Variants in DENND1A observed in about 807,000 individuals in gnomAD.
DENND1A encodes DENN domain containing 1A.
Under a neutral mutation model 113.7 loss-of-function variants are expected in DENND1A, and 51 were observed. The observed-to-expected ratio is 0.45, with a 90% confidence interval of 0.36 to 0.57. DENND1A has a LOEUF of 0.57. Ranked by LOEUF, DENND1A falls within the 20% of genes least tolerant of loss-of-function variation. DENND1A has a pLI of 0.00. For synonymous variants in DENND1A, 565 were observed against 570.8 expected (o/e 0.99, Z 0.14); for missense variants, 1,258 against 1,395.9 (o/e 0.90, Z 1.57).
intron 9 of DENND1A, among the ~76,000 whole-genome samples, chr9:123,637,953 GCACACACA>G (rs10539798): frequency 3.4e-5 from 5 of 147,784 alleles, no homozygotes; most frequent in Non-Finnish European, 4.5e-5. Flanking sequence ...ACACACACGC[GCACACACA>G]CACACACACA....
At chr9:123,918,357 G>A (rs769861845) in intron 1 of DENND1A, among the ~76,000 whole-genome samples, 32 of 151,698 alleles carry the variant, frequency 2.1e-4, no homozygotes, top group African/African-American at 7.7e-4. Context: ...GCGTGGCGGC[G>A]GGCGCCTGTA....
intron 5 of DENND1A, among the ~76,000 whole-genome samples, chr9:123,744,109 ATTGGGCT>A (rs2069260733): frequency 6.6e-6 from 1 of 152,236 alleles, no homozygotes; most frequent in Non-Finnish European, 1.5e-5. Flanking sequence ...GAATATTTGG[ATTGGGCT>A]TGATAGAACA....
rs376350165 is a variant in DENND1A at position 123,381,472 on chromosome 9, G to A, written c.3173C>T (p.Ser1058Leu). The change falls in exon 24 of 24, where the codon TCG (serine) becomes TTG (leucine). Residue 1058 changes from serine to leucine, a missense_variant. Physicochemically the swap from Ser to Leu is moderately radical, Grantham distance 145. Coordinates refer to ENST00000394215, the MANE Select transcript of DENND1A (RefSeq NM_001352964.2). This position sits in a 1 kb window ranked among gnomAD's most constrained non-coding sequence, Gnocchi z 4.7. ...PSPALAPAPD[S>L]VEQLRKQWET... The stretch of plus-strand genomic sequence containing the variant: ...CCACTGCTTCCTGAGCTGCTCCACC[G>A]AGTCTGGGGCCGGGGCCAGGGCCGG... The A allele has an allele frequency of 6.6e-5, 106 of 1,613,430 alleles. No individual in the cohort carries two copies. Among genetic ancestry groups the A allele is most frequent in the Admixed American group, 1.3e-4 (8 of 60,004 alleles).
intron 13 of DENND1A, among the ~76,000 whole-genome samples, chr9:123,556,729 G>C (rs2057437082): frequency 2.0e-5 from 3 of 152,182 alleles, no homozygotes; most frequent in Non-Finnish European, 4.4e-5. Context: ...CTGTCGGCAA[G>C]GTTTCCCTCC....
chr9:123,400,979 T>G (rs967316667), intron 21 of DENND1A: 9 of 152,178 alleles, frequency 5.9e-5, no homozygotes, highest in African/African-American at 2.2e-4. Flanking sequence ...CCAAGCACTT[T>G]GATATTCCCA....
At position 123,865,328 on chromosome 9, in the gene DENND1A, G is replaced by C. The variant is rs1845658696; in HGVS notation, c.88+13623C>G. 2.0e-5 allele frequency among the ~76,000 whole-genome samples: 3 copies of C among 152,204 alleles called. No individual in the cohort carries two copies. The South Asian group carries it at 6.2e-4, about 31-fold the overall frequency. On this transcript the variant is annotated intron_variant, in intron 2 of 23. Coordinates refer to ENST00000394215, the MANE Select transcript of DENND1A (RefSeq NM_001352964.2). Reference sequence around the variant, plus strand: ...CAATTTCCATTCAGCAAAAACAAGAGAAATTAGGTCAGCTTGTTCCAGGGT... The same window carrying C: ...CAATTTCCATTCAGCAAAAACAAGACAAATTAGGTCAGCTTGTTCCAGGGT...
At chr9:123,841,094 TA>T (rs1255929866) in intron 2 of DENND1A, among the ~76,000 whole-genome samples, 2 of 152,188 alleles carry the variant, frequency 1.3e-5, no homozygotes, top group African/African-American at 2.4e-5. Flanking sequence ...CATTTTGTGC[TA>T]AGTGAAATCT....
At chr9:123,668,553 G>T (rs1231209304) in intron 7 of DENND1A, among the ~76,000 whole-genome samples, 1 of 152,096 alleles carries the variant, frequency 6.6e-6, no homozygotes, top group Non-Finnish European at 1.5e-5. Flanking sequence ...TCAGTCAAAG[G>T]TCACACAGCT....
chr9:123,882,758 G>C (rs1376872025), intron 1 of DENND1A, among the ~76,000 whole-genome samples: 2 of 152,170 alleles, frequency 1.3e-5, no homozygotes, highest in African/African-American at 2.4e-5. Flanking sequence ...TCAAAGTCAA[G>C]TCAAAGTTGT....
chr9:123,531,552 TCTACACACACACACAC>T (rs1401884472), intron 13 of DENND1A, among the ~76,000 whole-genome samples: 9,905 of 133,848 alleles, frequency 0.074, 408 homozygotes, highest in Non-Finnish European at 0.083. Context: ...CCCCTCTCTC[TCTACACACACACACAC>T]ACACACACAC....
chr9:123,557,177 G>T (rs928894603), intron 13 of DENND1A, among the ~76,000 whole-genome samples: 2 of 152,210 alleles, frequency 1.3e-5, no homozygotes, highest in African/African-American at 4.8e-5. Context: ...GCTTTTCCGG[G>T]CTAAGTTGTT....
At chr9:123,386,135 C>A (rs989351688) in intron 22 of DENND1A, among the ~76,000 whole-genome samples, 4 of 152,212 alleles carry the variant, frequency 2.6e-5, no homozygotes, top group Middle Eastern at 3.4e-3. Flanking sequence ...GGTGCCTTTT[C>A]CCAAAAGGTG....
chr9:123,414,458 C>A, intron 19 of DENND1A: 1 of 1,496,958 alleles, frequency 6.7e-7, no homozygotes, highest in Non-Finnish European at 8.9e-7. Context: ...AGGCCGGCAT[C>A]TCACAGGGTG....
At chr9:123,401,711 C>G (rs2043478472) in intron 21 of DENND1A, 1 of 1,584,796 alleles carries the variant, frequency 6.3e-7, no homozygotes, top group Non-Finnish European at 8.6e-7. Flanking sequence ...TGACACAGTT[C>G]AGGTGATAAG....
At chr9:123,487,332 G>C (rs1355000572) in intron 13 of DENND1A, among the ~76,000 whole-genome samples, 1 of 152,192 alleles carries the variant, frequency 6.6e-6, no homozygotes, top group Non-Finnish European at 1.5e-5. Context: ...ACCAAGTCTA[G>C]GGCCCAAGTC....
chr9:123,828,507 C>CA (rs1181916293), intron 2 of DENND1A, among the ~76,000 whole-genome samples: 10 of 151,466 alleles, frequency 6.6e-5, no homozygotes, highest in East Asian at 1.9e-4. Flanking sequence ...AAATTCATAC[C>CA]AAAAAATCAG....
intron 13 of DENND1A, among the ~76,000 whole-genome samples, chr9:123,484,675 G>C (rs2050640300): frequency 1.3e-5 from 2 of 152,174 alleles, no homozygotes; most frequent in African/African-American, 4.8e-5. Flanking sequence ...GAATGCACAA[G>C]GCATTCAGTT....
At chr9:123,520,385 C>A (rs10986036) in intron 13 of DENND1A, among the ~76,000 whole-genome samples, 2 of 151,962 alleles carry the variant, frequency 1.3e-5, no homozygotes, top group South Asian at 2.1e-4. Flanking sequence ...CTGGAACCTG[C>A]GAGGTTGCAG....
chr9:123,824,267 C>G (rs1412670456), intron 2 of DENND1A, among the ~76,000 whole-genome samples: 2 of 152,174 alleles, frequency 1.3e-5, no homozygotes, highest in African/African-American at 4.8e-5. Context: ...AAAACTTAAG[C>G]TCTTACACTC....
Sources: gnomAD v4.1 joint callset for allele counts (sites outside exome capture counted in the v4.1 genomes callset) on GRCh38, gnomAD v4.1.1 for gene constraint, Gnocchi (gnomAD v3.1) non-coding constraint, MANE v1.5 for transcripts, NCBI Gene and HGNC (gene_info 2026-07-23, HGNC 2026-07-21) for gene names.